The following KYNU variants were observed in gnomAD, a reference collection of about 807,000 sequenced individuals.
KYNU encodes the protein L-kynurenine hydrolase.
Under a neutral mutation model 59.2 loss-of-function variants are expected in KYNU, and 54 were observed. The observed-to-expected ratio is 0.91, with a 90% CI of 0.73 to 1.14. KYNU has a LOEUF of 1.14. KYNU is among the 50% of genes most tolerant of loss of function. The pLI, the probability that KYNU is intolerant of heterozygous loss-of-function variation, is 0.00. For synonymous variants in KYNU, 177 were observed against 192.0 expected (o/e 0.92, Z 0.65); for missense variants, 567 against 554.4 (o/e 1.02, Z -0.23).
chr2:142,915,516 C>A (rs1682638826), intron 2 of KYNU, among the ~76,000 whole-genome samples: 1 of 152,200 alleles, frequency 6.6e-6, no homozygotes. Flanking sequence ...TATTTTGAAA[C>A]TAGTTCCTAG....
intron 12 of KYNU, among the ~76,000 whole-genome samples, chr2:143,036,684 C>T (rs1686902721): frequency 6.6e-6 from 1 of 152,098 alleles, no homozygotes; most frequent in Non-Finnish European, 1.5e-5. Context: ...ACTATTTATT[C>T]CTAATTAGAC....
chr2:143,042,790 A>G lies in KYNU; in HGVS notation c.*618A>G, dbSNP rs1006900924. ...TGAGAAATATTATTGATTCTAAGAT[A>G]TTTTATCATATTTTAACATCTTTGA... On this transcript the variant is annotated 3_prime_UTR_variant, in exon 14 of 14. Transcript: ENST00000264170. 1 of 151,292 alleles carries G rather than the reference A, an allele frequency of 6.6e-6. No individual in the cohort carries two copies. The highest frequency in any genetic ancestry group is 1.5e-5 in the Non-Finnish European group (1 of 67,768). 9.4% of individuals were successfully genotyped at this position (151,292 alleles called of 1,614,324 possible). A position where few individuals can be genotyped will look rare whatever the true frequency, so the allele number is the denominator to read the frequency against.
intron 8 of KYNU, among the ~76,000 whole-genome samples, chr2:142,963,479 G>A (rs1263287438): frequency 1.3e-5 from 2 of 152,286 alleles, no homozygotes; most frequent in Non-Finnish European, 1.5e-5. Flanking sequence ...CACAGATGAC[G>A]CCTTGTTGCT....
At chr2:142,909,773 G>C (rs980495146) in intron 2 of KYNU, among the ~76,000 whole-genome samples, 10 of 152,150 alleles carry the variant, frequency 6.6e-5, no homozygotes, top group African/African-American at 2.2e-4. Flanking sequence ...ACAAATGCTT[G>C]TGTTTTCCTA....
chr2:142,924,180 C>A (rs78244381), intron 3 of KYNU, among the ~76,000 whole-genome samples: 9,170 of 152,166 alleles, frequency 0.06, 376 homozygotes, highest in East Asian at 0.22. Flanking sequence ...TCATAGCTCA[C>A]TGCAGCCTTA....
chr2:142,936,802 G>T (rs986028829), intron 4 of KYNU, among the ~76,000 whole-genome samples: 2 of 152,316 alleles, frequency 1.3e-5, no homozygotes, highest in East Asian at 1.9e-4. Flanking sequence ...AGTTTCCTTT[G>T]TCTGGCTGCT....
At chr2:142,892,332 G>T (rs1369691103) in intron 2 of KYNU, among the ~76,000 whole-genome samples, 18 of 152,332 alleles carry the variant, frequency 1.2e-4, no homozygotes, top group Admixed American at 9.8e-4. Flanking sequence ...TTCTTTCTCT[G>T]TGAATGTGTG....
At chr2:142,901,383 G>A (rs1682081253) in intron 2 of KYNU, among the ~76,000 whole-genome samples, 1 of 152,104 alleles carries the variant, frequency 6.6e-6, no homozygotes, top group African/African-American at 2.4e-5. Flanking sequence ...GTTCCCAGAG[G>A]GGATTACCCC....
At chr2:142,947,264 G>A in intron 4 of KYNU, 1 of 1,540,498 alleles carries the variant, frequency 6.5e-7, no homozygotes, top group Non-Finnish European at 8.8e-7. Flanking sequence ...TTTTCAAGTA[G>A]GAACCAGACA....
At chr2:143,040,050 G>T (rs1686991509) in intron 12 of KYNU, among the ~76,000 whole-genome samples, 1 of 152,064 alleles carries the variant, frequency 6.6e-6, no homozygotes, top group Non-Finnish European at 1.5e-5. Flanking sequence ...CCCAGCCTTT[G>T]TATAAGGGCA....
intron 9 of KYNU, 42 bp from the exon 10 acceptor site, chr2:142,985,906 T>C: frequency 7.5e-7 from 1 of 1,336,928 alleles, no homozygotes. Context: ...TTTTGTCATA[T>C]ATTTAAGTAA....
chr2:142,890,659 G>A (rs756721439), intron 2 of KYNU, among the ~76,000 whole-genome samples: 13 of 152,036 alleles, frequency 8.6e-5, no homozygotes, highest in Non-Finnish European at 1.8e-4. Context: ...TGTATTTTTT[G>A]TCAAGGCAGA....
At chr2:142,989,146 A>T (rs1343815866) in intron 10 of KYNU, among the ~76,000 whole-genome samples, 1 of 151,892 alleles carries the variant, frequency 6.6e-6, no homozygotes, top group East Asian at 1.9e-4. Context: ...AGATGGGGAG[A>T]GGAAGTTTTC....
rs559798103 is a variant in KYNU, at chr2:143,040,694, A to G, written c.1272+36A>G. 2.7e-5 allele frequency: 36 copies of G among 1,352,182 alleles called. No homozygotes were observed. The East Asian group carries it at 4.5e-4, about 17-fold the overall frequency. The allele number at this position is 1,352,182 out of a possible 1,614,324, so 83.8% of individuals were successfully genotyped here. A position where few individuals can be genotyped will look rare whatever the true frequency, so the allele number is the denominator to read the frequency against. On this transcript the variant is annotated intron_variant, in intron 13 of 13. Transcript: ENST00000264170. ...CTTGCTTTGCTACCAGATTTTGTCT[A>G]TGGGCCGCATGTTAGGGATAAAATT...
chr2:142,909,675 A>T (rs1300446040), intron 2 of KYNU, among the ~76,000 whole-genome samples: 1 of 152,192 alleles, frequency 6.6e-6, no homozygotes, highest in Non-Finnish European at 1.5e-5. Context: ...GTGTATTTGT[A>T]CCACATGTTC....
intron 13 of KYNU, among the ~76,000 whole-genome samples, chr2:143,041,289 G>A (rs1687037180): frequency 6.6e-6 from 1 of 151,952 alleles, no homozygotes; most frequent in Non-Finnish European, 1.5e-5. Flanking sequence ...GCATTGCTTG[G>A]CTCATGTTTA....
intron 12 of KYNU, among the ~76,000 whole-genome samples, chr2:143,034,029 A>G (rs968724068): frequency 2.0e-5 from 3 of 151,942 alleles, no homozygotes; most frequent in Admixed American, 6.6e-5. Context: ...AATGATAAAT[A>G]TACATAACAA....
chr2:142,985,030 T>C, intron 8 of KYNU, 54 bp from the exon 9 acceptor site: 1 of 1,009,102 alleles, frequency 9.9e-7, no homozygotes, highest in Non-Finnish European at 1.6e-6. Flanking sequence ...TATTTGTACT[T>C]ATTATTTCTA....
At position 143,049,472 on chromosome 2, in the gene KYNU, C is replaced by T. The variant is rs1687227105; in HGVS notation, c.*7300C>T. 1 of 152,138 alleles carries T rather than the reference C, an allele frequency of 6.6e-6. No homozygotes were observed. Among genetic ancestry groups the T allele is most frequent in the Non-Finnish European group, 1.5e-5 (1 of 68,028 alleles). The allele number at this position is 152,138 out of a possible 1,614,324, so 9.4% of individuals were successfully genotyped here. ...AAAATGAAAATATGAAAAACTTACACTTTGTATCAGTCAGGAGAAGGATAA... is the reference window on the plus strand; with the variant it reads ...AAAATGAAAATATGAAAAACTTACATTTTGTATCAGTCAGGAGAAGGATAA... On this transcript the variant is annotated 3_prime_UTR_variant, in exon 14 of 14. Transcript: ENST00000264170.
Sources: allele counts gnomAD v4.1 joint callset (sites outside exome capture counted in the v4.1 genomes callset), GRCh38; gene constraint gnomAD v4.1.1; transcripts MANE v1.5; gene names NCBI Gene and HGNC (gene_info 2026-07-23, HGNC 2026-07-21).